The following ZNF436 variants were observed in gnomAD, a reference collection of about 807,000 sequenced individuals.
ZNF436 encodes the protein DNA-binding protein.
Under a neutral mutation model 41.9 loss-of-function variants are expected in ZNF436, and 22 were observed. The observed-to-expected ratio is 0.53, with a 90% CI of 0.38 to 0.75. The LOEUF (loss-of-function observed/expected upper bound fraction) is 0.75, where lower values mean the gene tolerates loss of function less well. Ranked by LOEUF, ZNF436 falls within the 30% of genes least tolerant of loss-of-function variation. The probability of loss-of-function intolerance (pLI) is 0.00; values close to 1 mark genes in which losing one functional copy is unlikely to be tolerated. For synonymous variants in ZNF436, 217 were observed against 197.8 expected (o/e 1.10, Z -0.82); for missense variants, 506 against 587.3 (o/e 0.86, Z 1.43).
intron 3 of ZNF436, among the ~76,000 whole-genome samples, chr1:23,366,141 T>TA (rs1638355234): frequency 6.6e-6 from 1 of 152,204 alleles, no homozygotes; most frequent in African/African-American, 2.4e-5. Flanking sequence ...TCTGGATAGA[T>TA]AACTATTTAT....
chr1:23,363,725 C>T (rs1050110693), intron 3 of ZNF436, among the ~76,000 whole-genome samples: 2 of 152,130 alleles, frequency 1.3e-5, no homozygotes, highest in Non-Finnish European at 2.9e-5. Flanking sequence ...TTCTGTATCG[C>T]TGTAATTAAT....
chr1:23,368,093 G>C, intron 1 of ZNF436, 28 bp from the exon 2 acceptor site: 1 of 1,512,956 alleles, frequency 6.6e-7, no homozygotes. Context: ...CAGGGCGTGA[G>C]GCACGGAAAA....
chr1:23,369,294 C>A, intron 1 of ZNF436, 72 bp downstream of exon 1: 1 of 499,894 alleles, frequency 2.0e-6, no homozygotes, highest in South Asian at 1.5e-5. Context: ...GGCGGGCCTT[C>A]AGGATGTTAG....
At chr1:23,368,920 T>C (rs1638428569) in intron 1 of ZNF436, 1 of 154,944 alleles carries the variant, frequency 6.5e-6, no homozygotes, top group Non-Finnish European at 1.4e-5. Context: ...GGCGCGGCTC[T>C]GTACGCAATA....
intron 3 of ZNF436, among the ~76,000 whole-genome samples, chr1:23,365,692 C>T (rs1638343973): frequency 6.6e-6 from 1 of 151,926 alleles, no homozygotes; most frequent in Middle Eastern, 3.4e-3. Flanking sequence ...CCAGTCTGGG[C>T]AACAGACTGA....
At chr1:23,369,282 C>T (rs1303178886) in intron 1 of ZNF436, 84 bp downstream of exon 1, 1 of 482,876 alleles carries the variant, frequency 2.1e-6, no homozygotes, top group South Asian at 1.5e-5. Flanking sequence ...GGCCCTGATC[C>T]GGGCGGGCCT....
In ZNF436 at chr1:23,362,143, T is replaced by C. The variant is rs1000373698; in HGVS notation, c.1239A>G (p.Thr413=). The C allele has an allele frequency of 3.1e-6, 5 of 1,614,036 alleles. No homozygotes were observed. In the Admixed American group the frequency reaches 6.7e-5, roughly 22 times the overall value. ...GCACACACTCGTAGGGCTTCTCCCC[T>C]GTGTGGGTTCTCTGATGTTTAATTA... ...SDLIKHQRTH[T]GEKPYECVQC... Residue 413 remains threonine, a synonymous_variant, in exon 4 of 4, where the codon ACA becomes ACG. Coordinates refer to ENST00000314011, the MANE Select transcript of ZNF436 (RefSeq NM_001077195.2).
Position 23,362,918 on chromosome 1 carries a change from C to T in ZNF436, c.464G>A (p.Arg155Gln), listed in dbSNP as rs1350301166. The change falls in exon 4 of 4, where the codon CGA becomes CAA. Residue 155 changes from arginine to glutamine, a missense_variant. Coordinates refer to ENST00000314011, the MANE Select transcript of ZNF436 (RefSeq NM_001077195.2). Reference sequence around the variant, plus strand: ...GTCTCCAGTGTGGGTCTTCTGATGTCGATTAAGGTCTGAGATCTGACTGAA... The same window carrying T: ...GTCTCCAGTGTGGGTCTTCTGATGTTGATTAAGGTCTGAGATCTGACTGAA... ...KAFSQISDLN[R>Q]HQKTHTGDRP... 14 of 1,614,042 alleles carry T rather than the reference C, an allele frequency of 8.7e-6. No homozygotes were observed. Among genetic ancestry groups the T allele is most frequent in the East Asian group, 6.7e-5 (3 of 44,900 alleles).
chr1:23,364,286 G>A (rs10917372), intron 3 of ZNF436, among the ~76,000 whole-genome samples: 3,353 of 152,200 alleles, frequency 0.022, 145 homozygotes, highest in African/African-American at 0.076. Context: ...TGCCCAGGCC[G>A]GAGTGCAATG....
chr1:23,361,836 A>G lies in ZNF436; in HGVS notation c.*133T>C. The G allele has an allele frequency of 1.1e-6, 1 of 933,042 alleles. No homozygotes were observed. Among genetic ancestry groups the G allele is most frequent in the Middle Eastern group, 3.5e-4 (1 of 2,872 alleles). 57.8% of individuals were successfully genotyped at this position (933,042 alleles called of 1,614,324 possible). ...GGGTCAGAATTTCAAATGGCTTGTC[A>G]TCTCTGATGGTTTAAATCGTGGCCC... On this transcript the variant is annotated 3_prime_UTR_variant, in exon 4 of 4. Transcript: ENST00000314011.
chr1:23,369,598 T>TCGCAGGCAGCTCAGAAAC lies in ZNF436; in HGVS notation c.-311_-294dup, dbSNP rs758565493. The stretch of plus-strand genomic sequence containing the variant: ...GACTCAGATTCCCGAGGCCTCAGAC[T>TCGCAGGCAGCTCAGAAAC]CGCAGGCAGCTCAGAAACCACAGGC... On this transcript the variant is annotated 5_prime_UTR_variant, in exon 1 of 4. Coordinates refer to ENST00000314011, the MANE Select transcript of ZNF436 (RefSeq NM_001077195.2). 3.8e-6 allele frequency: 2 copies of TCGCAGGCAGCTCAGAAAC among 530,878 alleles called. 1 individual carries two copies. Among genetic ancestry groups the TCGCAGGCAGCTCAGAAAC allele is most frequent in the Admixed American group, 3.9e-5 (2 of 51,492 alleles). The allele number at this position is 530,878 out of a possible 1,614,324, so 32.9% of individuals were successfully genotyped here. A position where few individuals can be genotyped will look rare whatever the true frequency, so the allele number is the denominator to read the frequency against.
chr1:23,360,125 C>G lies in ZNF436; in HGVS notation c.*1844G>C, dbSNP rs943653669. On this transcript the variant is annotated 3_prime_UTR_variant, in exon 4 of 4. Coordinates refer to ENST00000314011, the MANE Select transcript of ZNF436 (RefSeq NM_001077195.2). The stretch of plus-strand genomic sequence containing the variant: ...ATTTTGTAAATAACAAAAAAACATG[C>G]TCCTTGCCTGAGTTTGTCCTTAAAA... 1.3e-5 allele frequency: 2 copies of G among 152,142 alleles called. No homozygotes were observed. The highest frequency in any genetic ancestry group is 4.1e-4 in the South Asian group (2 of 4,828). 9.4% of individuals were successfully genotyped at this position (152,142 alleles called of 1,614,324 possible). A position where few individuals can be genotyped will look rare whatever the true frequency, so the allele number is the denominator to read the frequency against.
rs762525497 is a variant in ZNF436, at chr1:23,363,154, C to G, written c.228G>C (p.Gly76=). 47 of 1,613,934 alleles carry G rather than the reference C, an allele frequency of 2.9e-5. No homozygotes were observed. The highest frequency in any genetic ancestry group is 4.0e-5 in the Non-Finnish European group (47 of 1,179,996). Residue 76 remains glycine, a synonymous_variant, in exon 4 of 4, where the codon GGG becomes GGC. Coordinates refer to ENST00000314011, the MANE Select transcript of ZNF436 (RefSeq NM_001077195.2). ...TCTCAGCAGGTCTTTCAGATGTAGTCCCAAATTGTACATCTTCACTAATCT... is the reference window on the plus strand; with the variant it reads ...TCTCAGCAGGTCTTTCAGATGTAGTGCCAAATTGTACATCTTCACTAATCT... ...KQEISEDVQF[G]TTSERPAENA...
In ZNF436 at chr1:23,361,446, G is replaced by A. The variant is rs529659898; in HGVS notation, c.*523C>T. 1 of 153,074 alleles carries A rather than the reference G, an allele frequency of 6.5e-6. No individual in the cohort carries two copies. The highest frequency in any genetic ancestry group is 2.4e-5 in the African/African-American group (1 of 41,564). 9.5% of individuals were successfully genotyped at this position (153,074 alleles called of 1,614,324 possible). A position where few individuals can be genotyped will look rare whatever the true frequency, so the allele number is the denominator to read the frequency against. ...TCGTGCAAAATCTTGCCCTCAGGAAGATGGAAAAGATACAAATGCATGAGC... is the reference window on the plus strand; with the variant it reads ...TCGTGCAAAATCTTGCCCTCAGGAAAATGGAAAAGATACAAATGCATGAGC... On this transcript the variant is annotated 3_prime_UTR_variant, in exon 4 of 4. Coordinates refer to ENST00000314011, the MANE Select transcript of ZNF436 (RefSeq NM_001077195.2).
intron 3 of ZNF436, among the ~76,000 whole-genome samples, chr1:23,363,572 C>T (rs915872546): frequency 1.3e-4 from 20 of 152,132 alleles, no homozygotes; most frequent in African/African-American, 4.6e-4. Flanking sequence ...TATTCTTTAT[C>T]ACAGCTATTC....
At chr1:23,364,487 C>T (rs955685475) in intron 3 of ZNF436, among the ~76,000 whole-genome samples, 1 of 152,214 alleles carries the variant, frequency 6.6e-6, no homozygotes, top group Non-Finnish European at 1.5e-5. Flanking sequence ...ATCTGCCCGC[C>T]TCAGCCTCCC....
Position 23,368,082 on chromosome 1 carries a change from G to T in ZNF436, c.-60-17C>A. The T allele has an allele frequency of 6.4e-7, 1 of 1,562,104 alleles. No homozygotes were observed. The highest frequency in any genetic ancestry group is 1.4e-5 in the African/African-American group (1 of 73,844). ...CAGACAGCGCTGAAGGAGGCGAAAA[G>T]CAGGGCGTGAGGCACGGAAAACAGG... On this transcript the variant is annotated splice_polypyrimidine_tract_variant and intron_variant, in intron 1 of 3. Coordinates refer to ENST00000314011, the MANE Select transcript of ZNF436 (RefSeq NM_001077195.2).
rs780411113 is a variant in ZNF436, at chr1:23,361,953, CCAT to C, written c.*13_*15del. ...TATCTTCAAATGAATCATTTCTCAG[CCAT>C]CATAATTACAGCTTAGTCCGTATGA... On this transcript the variant is annotated 3_prime_UTR_variant, in exon 4 of 4. Transcript: ENST00000314011. 1 of 1,555,304 alleles carries C rather than the reference CCAT, an allele frequency of 6.4e-7. No homozygotes were observed. The highest frequency in any genetic ancestry group is 8.7e-7 in the Non-Finnish European group (1 of 1,152,264).
At chr1:23,368,488 G>A (rs1041980906) in intron 1 of ZNF436, 4 of 159,048 alleles carry the variant, frequency 2.5e-5, no homozygotes, top group Non-Finnish European at 4.2e-5. Flanking sequence ...AGCCTCTAGT[G>A]CGCCTGTGCC....
Sources: allele counts gnomAD v4.1 joint callset (sites outside exome capture counted in the v4.1 genomes callset), GRCh38; gene constraint gnomAD v4.1.1; transcripts MANE v1.5; gene names NCBI Gene and HGNC (gene_info 2026-07-23, HGNC 2026-07-21).